The following ABCC9 variants were observed in gnomAD, a reference collection of about 807,000 sequenced individuals.
The protein encoded by ABCC9 is ATP-binding cassette sub-family C member 9.
In ABCC9, 95 loss-of-function variants were observed where a neutral mutation model predicts 188.3. The observed-to-expected ratio is 0.50, with a 90% CI of 0.43 to 0.60. The LOEUF (loss-of-function observed/expected upper bound fraction) is 0.60, where lower values mean the gene tolerates loss of function less well. Among genes scored for constraint, ABCC9 ranks in the 20% least tolerant of loss-of-function variants. The pLI, the probability that ABCC9 is intolerant of heterozygous loss-of-function variation, is 0.00. For missense variants in ABCC9, 1,102 were observed against 1,876.3 expected (o/e 0.59, Z 7.62); for synonymous variants, 659 against 652.7 (o/e 1.01, Z -0.15).
At chr12:21,882,203 G>A (rs1335233162) in intron 16 of ABCC9, among the ~76,000 whole-genome samples, 2 of 152,044 alleles carry the variant, frequency 1.3e-5, no homozygotes, top group East Asian at 1.9e-4. Flanking sequence ...GCCTTTGACT[G>A]CTGCCGGCAG....
intron 3 of ABCC9, among the ~76,000 whole-genome samples, chr12:21,935,681 G>A (rs1050430814): frequency 3.3e-5 from 5 of 152,096 alleles, no homozygotes; most frequent in African/African-American, 1.2e-4. Flanking sequence ...GTAGGATATG[G>A]AAAGAGTCAC....
intron 11 of ABCC9, among the ~76,000 whole-genome samples, chr12:21,906,643 A>G (rs1174891790): frequency 1.3e-5 from 2 of 152,136 alleles, no homozygotes; most frequent in Non-Finnish European, 1.5e-5. Context: ...AATGACTCCT[A>G]ACATCTAACT....
Position 21,854,472 on chromosome 12 carries a change from G to A in ABCC9, c.2506-1967C>T, listed in dbSNP as rs551270554. Among the ~76,000 whole-genome samples the A allele has an allele frequency of 2.0e-5, 3 of 152,298 alleles. 1 individual carries two copies. The highest frequency in any genetic ancestry group is 7.2e-5 in the African/African-American group (3 of 41,566). Reference sequence around the variant, plus strand: ...TGAATAAATGGATGATATAATCAGTGTCCTCAAATGACTTTTATAGAAATA... The same window carrying A: ...TGAATAAATGGATGATATAATCAGTATCCTCAAATGACTTTTATAGAAATA... On this transcript the variant is annotated intron_variant, in intron 22 of 39. Coordinates refer to ENST00000261200, the MANE Select transcript of ABCC9 (RefSeq NM_020297.4).
intron 4 of ABCC9, 66 bp from the exon 5 acceptor site, chr12:21,926,129 AT>A (rs1313333429): frequency 2.1e-5 from 34 of 1,607,072 alleles, no homozygotes; most frequent in Non-Finnish European, 2.9e-5. Flanking sequence ...TTTTTTTCAA[AT>A]TTTTTCATAA....
Position 21,852,354 on chromosome 12 carries a change from T to C in ABCC9, c.2643+14A>G. Reference sequence around the variant, plus strand: ...TAATATAAAAATGAGCAAAATTCTCTTCTAAACTCTTACCCAGTCAGCATG... The same window carrying C: ...TAATATAAAAATGAGCAAAATTCTCCTCTAAACTCTTACCCAGTCAGCATG... On this transcript the variant is annotated intron_variant, in intron 23 of 39. Coordinates refer to ENST00000261200, the MANE Select transcript of ABCC9 (RefSeq NM_020297.4). The C allele has an allele frequency of 3.7e-6, 6 of 1,613,932 alleles. No homozygotes were observed. Among genetic ancestry groups the C allele is most frequent in the Non-Finnish European group, 5.1e-6 (6 of 1,179,946 alleles).
intron 12 of ABCC9, among the ~76,000 whole-genome samples, chr12:21,900,711 TG>T (rs1386170891): frequency 6.6e-6 from 1 of 152,006 alleles, no homozygotes; most frequent in Non-Finnish European, 1.5e-5. Context: ...AGGATATCAG[TG>T]ATGGAAGATC....
In ABCC9 at chr12:21,815,900, G is replaced by A. The variant is rs769051998; in HGVS notation, c.3893-7C>T. The A allele has an allele frequency of 4.3e-6, 7 of 1,612,184 alleles. No individual in the cohort carries two copies. Among genetic ancestry groups the A allele is most frequent in the Non-Finnish European group, 5.1e-6 (6 of 1,178,834 alleles). On this transcript the variant is annotated splice_region_variant and splice_polypyrimidine_tract_variant and intron_variant, in intron 33 of 39. Transcript: ENST00000261200. ...TCTGGAACTTGAGAAGGATCTGGAG[G>A]ATGGGATGGGGAAATAGACAGATAA...
intron 24 of ABCC9, among the ~76,000 whole-genome samples, chr12:21,850,533 C>T (rs1416727483): frequency 6.6e-6 from 1 of 152,130 alleles, no homozygotes; most frequent in Non-Finnish European, 1.5e-5. Flanking sequence ...TCAGTTCATA[C>T]ATAACCCTGT....
intron 5 of ABCC9, among the ~76,000 whole-genome samples, chr12:21,922,307 T>C (rs1337829990): frequency 6.6e-6 from 1 of 151,930 alleles, no homozygotes; most frequent in Non-Finnish European, 1.5e-5. Context: ...CTAGGTATTT[T>C]ATAATATTTA....
intron 16 of ABCC9, among the ~76,000 whole-genome samples, chr12:21,879,595 G>A (rs1456273629): frequency 6.6e-6 from 1 of 152,036 alleles, no homozygotes; most frequent in Non-Finnish European, 1.5e-5. Flanking sequence ...ATGGTTGTCT[G>A]CTAAGTGAAT....
At chr12:21,932,791 T>C (rs1047825054) in intron 4 of ABCC9, among the ~76,000 whole-genome samples, 1 of 151,934 alleles carries the variant, frequency 6.6e-6, no homozygotes, top group Non-Finnish European at 1.5e-5. Context: ...TTTGTTGGAG[T>C]GTAAATTAGT....
At chr12:21,900,103 A>G (rs1332226662) in intron 12 of ABCC9, among the ~76,000 whole-genome samples, 1 of 152,162 alleles carries the variant, frequency 6.6e-6, no homozygotes, top group Non-Finnish European at 1.5e-5. Context: ...TACCCCTCTG[A>G]GACGAAGCTT....
chr12:21,817,315 A>C lies in ABCC9; in HGVS notation c.3772-8T>G, dbSNP rs1942709972. 1 of 1,613,210 alleles carries C rather than the reference A, an allele frequency of 6.2e-7. No individual in the cohort carries two copies. The highest frequency in any genetic ancestry group is 8.5e-7 in the Non-Finnish European group (1 of 1,179,570). On this transcript the variant is annotated splice_polypyrimidine_tract_variant and splice_region_variant and intron_variant, in intron 32 of 39. Coordinates refer to ENST00000261200, the MANE Select transcript of ABCC9 (RefSeq NM_020297.4). ...ATTCAAATAATTGGTTATCTGTGTC[A>C]GGTGATTAAAAAAATTGTTTTAAAT...
chr12:21,903,342 T>C (rs1947866477), intron 12 of ABCC9, among the ~76,000 whole-genome samples: 1 of 152,184 alleles, frequency 6.6e-6, no homozygotes, highest in Non-Finnish European at 1.5e-5. Context: ...AGGCAAAAAC[T>C]GGAAGCATTC....
chr12:21,920,318 C>T (rs560637676), intron 5 of ABCC9, among the ~76,000 whole-genome samples: 1 of 152,118 alleles, frequency 6.6e-6, no homozygotes, highest in South Asian at 2.1e-4. Flanking sequence ...TTGCAGATGG[C>T]ATGTTTGCTT....
chr12:21,802,743 C>T (rs568284682), intron 39 of ABCC9, among the ~76,000 whole-genome samples: 1 of 152,170 alleles, frequency 6.6e-6, no homozygotes, highest in South Asian at 2.1e-4. Flanking sequence ...CCTAAAAATG[C>T]CATCTGTTTA....
chr12:21,824,846 A>C, intron 31 of ABCC9, among the ~76,000 whole-genome samples: 1 of 151,994 alleles, frequency 6.6e-6, no homozygotes, highest in East Asian at 1.9e-4. Flanking sequence ...TATCCCCTTT[A>C]TCATTTTTTA....
chr12:21,831,968 A>C (rs543148279), intron 30 of ABCC9, among the ~76,000 whole-genome samples: 69 of 152,294 alleles, frequency 4.5e-4, no homozygotes, highest in Admixed American at 4.0e-3. Context: ...TCCACTCTTA[A>C]AGAGTTTGTA....
At position 21,818,201 on chromosome 12, in the gene ABCC9, A is replaced by C; in HGVS notation, c.3720T>G (p.Ser1240Arg). 1.2e-6 allele frequency: 2 copies of C among 1,614,008 alleles called. No individual in the cohort carries two copies. The highest frequency in any genetic ancestry group is 1.7e-6 in the Non-Finnish European group (2 of 1,179,904). ...CTACCAATCCAGAATTCGAAGACCCACTAATGGATGCTATAGATGCAGTGA... is the reference window on the plus strand; with the variant it reads ...CTACCAATCCAGAATTCGAAGACCCCCTAATGGATGCTATAGATGCAGTGA... The part of the protein sequence containing the change: ...IVLTASIASI[S>R]GSSNSGLVGL... Residue 1240 changes from serine to arginine, a missense_variant, in exon 32 of 40, where the codon AGT becomes AGG. Physicochemically the swap from Ser to Arg is moderately radical, Grantham distance 110 (BLOSUM62 -1). This residue lies in a region of ABCC9 where 143 missense variants were observed against 225.6 expected (regional missense o/e 0.63). Transcript: ENST00000261200.
Sources: gnomAD v4.1 joint callset for allele counts (sites outside exome capture counted in the v4.1 genomes callset) on GRCh38, gnomAD v4.1.1 for gene constraint, gnomAD v4.1.1 regional missense constraint, MANE v1.5 for transcripts, NCBI Gene and HGNC (gene_info 2026-07-23, HGNC 2026-07-21) for gene names.